GSG1L: variants seen among roughly 807,000 people sequenced by gnomAD.
GSG1L encodes GSG1 like, also known as germ cell-specific gene 1-like protein.
A neutral mutation model predicts 42.1 loss-of-function variants in GSG1L; 24 were observed. The ratio of observed to expected loss-of-function variants is 0.57; its 90% CI spans 0.41 to 0.80. The LOEUF (loss-of-function observed/expected upper bound fraction) is 0.80. Among genes scored for constraint, GSG1L ranks in the 30% least tolerant of loss-of-function variants. The probability of loss-of-function intolerance (pLI) is 0.00; values close to 1 mark genes in which losing one functional copy is unlikely to be tolerated. For synonymous variants in GSG1L, 215 were observed against 203.5 expected, an observed-to-expected ratio of 1.06 and a Z score of -0.48; for missense variants, 445 against 472.2, an observed-to-expected ratio of 0.94 and a Z score of 0.53.
chr16:28,008,965 C>G (rs934863742), intron 1 of GSG1L, among the ~76,000 whole-genome samples: 1 of 152,118 alleles, frequency 6.6e-6, no homozygotes, highest in Non-Finnish European at 1.5e-5. Flanking sequence ...CCCGCCACCA[C>G]GCCTGGCTAA....
At chr16:27,850,582 G>C (rs182979100) in intron 3 of GSG1L, 1 of 455,902 alleles carries the variant, frequency 2.2e-6, no homozygotes, top group Non-Finnish European at 4.4e-6. Flanking sequence ...CTGAGGCAGA[G>C]TGGCCAGGGA....
chr16:27,808,532 C>A (rs2082994852), intron 5 of GSG1L, among the ~76,000 whole-genome samples: 1 of 151,950 alleles, frequency 6.6e-6, no homozygotes, highest in South Asian at 2.1e-4. Flanking sequence ...GATTCTCCTG[C>A]CTCAGCCTCC....
chr16:27,891,407 A>T (rs1210152276), intron 2 of GSG1L, among the ~76,000 whole-genome samples: 3 of 152,094 alleles, frequency 2.0e-5, no homozygotes, highest in Non-Finnish European at 4.4e-5. Flanking sequence ...CCGGCCTCAG[A>T]CTCAGAATCT....
intron 6 of GSG1L, among the ~76,000 whole-genome samples, chr16:27,801,629 G>C (rs572036273): frequency 3.3e-5 from 5 of 152,308 alleles, no homozygotes; most frequent in African/African-American, 1.2e-4. Flanking sequence ...TTGATCGGCT[G>C]CTTCTCTAGA....
intron 2 of GSG1L, among the ~76,000 whole-genome samples, chr16:27,891,126 C>A (rs916602473): frequency 6.6e-6 from 1 of 152,244 alleles, no homozygotes; most frequent in East Asian, 1.9e-4. Context: ...GCCGTCCCCC[C>A]GTGCCAAGTG....
chr16:27,797,154 A>T (rs2082826461), intron 6 of GSG1L, among the ~76,000 whole-genome samples: 1 of 152,218 alleles, frequency 6.6e-6, no homozygotes, highest in South Asian at 2.1e-4. Flanking sequence ...CTGAGACTTG[A>T]ATCTAGCCAG....
At chr16:27,910,776 G>T (rs904440409) in intron 2 of GSG1L, among the ~76,000 whole-genome samples, 1 of 152,214 alleles carries the variant, frequency 6.6e-6, no homozygotes, top group African/African-American at 2.4e-5. Flanking sequence ...CACTTTGGGA[G>T]GCCAAGGCAG....
chr16:27,894,683 G>A (rs569195003), intron 2 of GSG1L, among the ~76,000 whole-genome samples: 2 of 152,174 alleles, frequency 1.3e-5, no homozygotes, highest in South Asian at 2.1e-4. Flanking sequence ...GGATGTACCG[G>A]CGCTGGGAGG....
intron 2 of GSG1L, among the ~76,000 whole-genome samples, chr16:27,891,884 C>CATT (rs2084131030): frequency 1.3e-5 from 1 of 74,332 alleles, no homozygotes; most frequent in Non-Finnish European, 2.6e-5. Flanking sequence ...AGTGACAGAT[C>CATT]TTTTTTTTTT....
At chr16:27,800,927 A>G (rs2082874448) in intron 6 of GSG1L, among the ~76,000 whole-genome samples, 1 of 152,120 alleles carries the variant, frequency 6.6e-6, no homozygotes, top group East Asian at 1.9e-4. Flanking sequence ...ATCATTTCGG[A>G]GAGGGACAAA....
chr16:27,957,306 T>C (rs1204600651), intron 2 of GSG1L, among the ~76,000 whole-genome samples: 1 of 152,152 alleles, frequency 6.6e-6, no homozygotes, highest in Admixed American at 6.5e-5. Context: ...AAGATCACAC[T>C]ACTGCACTCC....
At chr16:27,888,216 G>C in intron 2 of GSG1L, 1 of 700,590 alleles carries the variant, frequency 1.4e-6, no homozygotes, top group Non-Finnish European at 1.8e-6. Context: ...CGTGGGCCCC[G>C]GGCCAGGACG....
intron 6 of GSG1L, among the ~76,000 whole-genome samples, chr16:27,804,724 G>T (rs2082937104): frequency 1.2e-5 from 1 of 82,764 alleles, no homozygotes; most frequent in African/African-American, 5.2e-5. Context: ...TCAGGGCAGG[G>T]GGCGGATGTG....
intron 3 of GSG1L, among the ~76,000 whole-genome samples, chr16:27,872,526 G>A (rs980252937): frequency 6.6e-6 from 1 of 152,166 alleles, no homozygotes; most frequent in African/African-American, 2.4e-5. Context: ...GTAAAATGAG[G>A]CTGAGACCTA....
At chr16:27,981,546 G>A (rs8055822) in intron 1 of GSG1L, among the ~76,000 whole-genome samples, 28,225 of 152,118 alleles carry the variant, frequency 0.19, 2,945 homozygotes, top group East Asian at 0.42. Flanking sequence ...TTCAACTGAC[G>A]GGGCAGCAGA....
At chr16:27,954,378 C>T (rs1451912241) in intron 2 of GSG1L, among the ~76,000 whole-genome samples, 2 of 152,150 alleles carry the variant, frequency 1.3e-5, no homozygotes, top group Non-Finnish European at 2.9e-5. Context: ...AAGTTGACTA[C>T]CCGCATGGAG....
intron 1 of GSG1L, among the ~76,000 whole-genome samples, chr16:27,970,384 C>CA: frequency 6.6e-6 from 1 of 151,894 alleles, no homozygotes; most frequent in Non-Finnish European, 1.5e-5. Context: ...CAAGCCTGGC[C>CA]AACATGGTGA....
At position 27,790,283 on chromosome 16, in the gene GSG1L, T is replaced by A. The variant is rs551939270; in HGVS notation, c.*1087A>T. 2.0e-5 allele frequency: 3 copies of A among 152,174 alleles called. No homozygotes were observed. In the East Asian group the frequency reaches 5.8e-4, roughly 29 times the overall value. 9.4% of individuals were successfully genotyped at this position (152,174 alleles called of 1,614,324 possible). ...GATGATGGATGGAAGGATGGAAGGA[T>A]AAAGGAGAAGAATATATTCTACGTG... is the stretch of plus-strand genomic sequence containing the variant. On this transcript the variant is annotated 3_prime_UTR_variant, in exon 7 of 7. Coordinates refer to ENST00000447459, the MANE Select transcript of GSG1L (RefSeq NM_001109763.2).
At chr16:27,872,191 T>G (rs1204854582) in intron 3 of GSG1L, among the ~76,000 whole-genome samples, 1 of 152,170 alleles carries the variant, frequency 6.6e-6, no homozygotes, top group East Asian at 1.9e-4. Flanking sequence ...CCATGGTCGC[T>G]CTGGGCATTA....
Sources: gnomAD v4.1 joint callset for allele counts (sites outside exome capture counted in the v4.1 genomes callset) on GRCh38, gnomAD v4.1.1 for gene constraint, MANE v1.5 for transcripts, NCBI Gene and HGNC (gene_info 2026-07-23, HGNC 2026-07-21) for gene names.